TEK: variants seen among roughly 807,000 people sequenced by gnomAD.
The protein encoded by TEK is TEK receptor tyrosine kinase.
Under a neutral mutation model 131.8 loss-of-function variants are expected in TEK, and 43 were observed. The ratio of observed to expected loss-of-function variants is 0.33; its 90% CI spans 0.26 to 0.42. The LOEUF (loss-of-function observed/expected upper bound fraction) is 0.42. Ranked by LOEUF, TEK falls within the 10% of genes least tolerant of loss-of-function variation. TEK has a pLI of 1.00. For synonymous variants in TEK, 580 were observed against 491.6 expected, an observed-to-expected ratio of 1.18 and a Z score of -2.38; for missense variants, 1,162 against 1,384.4, an observed-to-expected ratio of 0.84 and a Z score of 2.55.
At chr9:27,139,802 G>T (rs1190595596) in intron 1 of TEK, among the ~76,000 whole-genome samples, 1 of 152,094 alleles carries the variant, frequency 6.6e-6, no homozygotes, top group Non-Finnish European at 1.5e-5. Context: ...GAGAGTGTGT[G>T]TATGTATAGT....
chr9:27,180,960 G>A (rs1824347216), intron 7 of TEK, among the ~76,000 whole-genome samples: 1 of 152,086 alleles, frequency 6.6e-6, no homozygotes, highest in Admixed American at 6.6e-5. Flanking sequence ...TATATTTACA[G>A]AGCTATGCCA....
At chr9:27,163,892 G>A (rs1027987661) in intron 2 of TEK, among the ~76,000 whole-genome samples, 3 of 152,218 alleles carry the variant, frequency 2.0e-5, no homozygotes, top group Admixed American at 6.5e-5. Flanking sequence ...TTTCACTTGT[G>A]TATAACTTTT....
chr9:27,206,450 T>C (rs1587013687), intron 14 of TEK, 132 bp from the exon 15 acceptor site: 18 of 1,085,510 alleles, frequency 1.7e-5, no homozygotes, highest in South Asian at 8.5e-5. Flanking sequence ...TGAAAACCTA[T>C]TTCCCTTTCC....
chr9:27,117,028 AT>A (rs201189870), intron 1 of TEK, among the ~76,000 whole-genome samples: 13 of 148,336 alleles, frequency 8.8e-5, no homozygotes, highest in South Asian at 2.1e-4. Context: ...CGCCCAGCTA[AT>A]TTTTTTTTTT....
chr9:27,124,561 C>T (rs1246502594), intron 1 of TEK, among the ~76,000 whole-genome samples: 2 of 152,206 alleles, frequency 1.3e-5, no homozygotes, highest in African/African-American at 4.8e-5. Flanking sequence ...ACGGGAAATA[C>T]ACTCTGCCCA....
chr9:27,221,260 AACAGCC>A (rs1826065680), intron 21 of TEK, among the ~76,000 whole-genome samples: 1 of 152,236 alleles, frequency 6.6e-6, no homozygotes, highest in Non-Finnish European at 1.5e-5. Flanking sequence ...AAAGAAAGGC[AACAGCC>A]ACAGCCAGGG....
intron 1 of TEK, among the ~76,000 whole-genome samples, chr9:27,136,256 A>G (rs1822430977): frequency 6.6e-6 from 1 of 151,880 alleles, no homozygotes; most frequent in South Asian, 2.1e-4. Flanking sequence ...TGATGTTTGT[A>G]TTTATAATAG....
At chr9:27,192,787 G>A (rs909146252) in intron 11 of TEK, among the ~76,000 whole-genome samples, 164 bp downstream of exon 11, 1 of 152,178 alleles carries the variant, frequency 6.6e-6, no homozygotes, top group Non-Finnish European at 1.5e-5. Flanking sequence ...AGGAAGGCTA[G>A]CAACTTCAAG....
At chr9:27,226,872 T>C (rs1236562267) in intron 21 of TEK, among the ~76,000 whole-genome samples, 1 of 152,148 alleles carries the variant, frequency 6.6e-6, no homozygotes, top group African/African-American at 2.4e-5. Flanking sequence ...CTAACTGGCA[T>C]GTTTGAAGAC....
At chr9:27,218,130 T>G (rs1369071310) in intron 19 of TEK, among the ~76,000 whole-genome samples, 1 of 139,634 alleles carries the variant, frequency 7.2e-6, no homozygotes, top group East Asian at 2.5e-4. Flanking sequence ...GGCCAGACAG[T>G]GGCGGGGGTC....
intron 12 of TEK, among the ~76,000 whole-genome samples, chr9:27,201,839 A>G (rs1211156405): frequency 1.3e-5 from 2 of 152,224 alleles, no homozygotes; most frequent in African/African-American, 2.4e-5. Context: ...GACAAGTACA[A>G]ACCCCTTAAA....
chr9:27,203,729 A>G (rs904780433), intron 13 of TEK, among the ~76,000 whole-genome samples: 6 of 152,216 alleles, frequency 3.9e-5, no homozygotes, highest in Admixed American at 2.0e-4. Context: ...GATTGACTTC[A>G]AGTCTGTGCA....
At chr9:27,213,361 G>A in intron 17 of TEK, 123 bp from the exon 18 acceptor site, 5 of 705,888 alleles carry the variant, frequency 7.1e-6, no homozygotes, top group Non-Finnish European at 1.2e-5. Context: ...GAACTTTAAG[G>A]GAACTGGATT....
At chr9:27,132,161 C>G (rs1296761601) in intron 1 of TEK, among the ~76,000 whole-genome samples, 1 of 149,562 alleles carries the variant, frequency 6.7e-6, no homozygotes, top group Non-Finnish European at 1.5e-5. Context: ...GATCTTGGCT[C>G]ACTGCAACCT....
At chr9:27,124,804 A>G (rs1338130457) in intron 1 of TEK, among the ~76,000 whole-genome samples, 1 of 152,208 alleles carries the variant, frequency 6.6e-6, no homozygotes, top group Non-Finnish European at 1.5e-5. Flanking sequence ...TAGAAAACAC[A>G]AAGAAAATTA....
chr9:27,152,743 T>G (rs893769554), intron 1 of TEK, among the ~76,000 whole-genome samples: 1 of 152,172 alleles, frequency 6.6e-6, no homozygotes, highest in Non-Finnish European at 1.5e-5. Flanking sequence ...AATTACAGTT[T>G]CTTTAAACAC....
rs906836493 is a variant in TEK at position 27,212,859 on chromosome 9, G to A, written c.2839G>A (p.Asp947Asn). Residue 947 changes from aspartate to asparagine, a missense_variant, in exon 17 of 23, where the codon GAC becomes AAC. By Grantham distance (23) the Asp-to-Asn change is conservative. This residue lies in a region of TEK where 107 missense variants were observed against 173.9 expected (regional missense o/e 0.62). Coordinates refer to ENST00000380036, the MANE Select transcript of TEK (RefSeq NM_000459.5). ...CCAGCAGCTCCTTCACTTCGCTGCC[G>A]ACGTGGCCCGGGGCATGGACTACTT... ...SSQQLLHFAA[D>N]VARGMDYLSQ... 1.2e-5 allele frequency: 20 copies of A among 1,613,992 alleles called. No homozygotes were observed. The highest frequency in any genetic ancestry group is 1.3e-5 in the African/African-American group (1 of 74,928).
chr9:27,121,508 A>G (rs1002523223), intron 1 of TEK, among the ~76,000 whole-genome samples: 1 of 149,560 alleles, frequency 6.7e-6, no homozygotes, highest in African/African-American at 2.4e-5. Flanking sequence ...TTTTATTTGT[A>G]TACATATGTA....
Position 27,137,165 on chromosome 9 carries a change from G to T in TEK, c.53-20666G>T, listed in dbSNP as rs187872130. On this transcript the variant is annotated intron_variant, in intron 1 of 22. Coordinates refer to ENST00000380036, the MANE Select transcript of TEK (RefSeq NM_000459.5). ...TCTCTTAACCTCAGTTGATCCACCC[G>T]CCTCGGCCTCCCAAAGTGCTGGGAT... is the stretch of plus-strand genomic sequence containing the variant. Among the ~76,000 whole-genome samples the T allele has an allele frequency of 2.3e-3, 355 of 152,024 alleles. 1 individual carries two copies. The highest frequency in any genetic ancestry group is 8.0e-3 in the African/African-American group (331 of 41,452).
Sources: gnomAD v4.1 joint callset for allele counts (sites outside exome capture counted in the v4.1 genomes callset) on GRCh38, gnomAD v4.1.1 for gene constraint, gnomAD v4.1.1 regional missense constraint, MANE v1.5 for transcripts, NCBI Gene and HGNC (gene_info 2026-07-23, HGNC 2026-07-21) for gene names.